Variants in FNDC3A observed in about 807,000 individuals in gnomAD.
The protein encoded by FNDC3A is fibronectin type-III domain-containing protein 3A.
FNDC3A carries 32 observed loss-of-function variants against 148.9 expected under a neutral mutation model. The observed-to-expected ratio is 0.21, with a 90% CI of 0.16 to 0.29. The LOEUF (loss-of-function observed/expected upper bound fraction) is 0.29, where lower values mean the gene tolerates loss of function less well. Ranked by LOEUF, FNDC3A falls within the 10% of genes least tolerant of loss-of-function variation. The probability of loss-of-function intolerance (pLI) is 1.00; values close to 1 mark genes in which losing one functional copy is unlikely to be tolerated. For missense variants in FNDC3A, 1,191 were observed against 1,452.8 expected (o/e 0.82, Z 2.93); for synonymous variants, 472 against 473.6 (o/e 1.00, Z 0.04).
chr13:49,113,102 C>A (rs764252732), intron 3 of FNDC3A, among the ~76,000 whole-genome samples: 2 of 149,292 alleles, frequency 1.3e-5, no homozygotes, highest in Admixed American at 6.7e-5. Flanking sequence ...TCCTCCTCCC[C>A]CTTACCCTTC....
intron 8 of FNDC3A, among the ~76,000 whole-genome samples, chr13:49,155,244 T>G (rs972525773): frequency 6.6e-6 from 1 of 152,140 alleles, no homozygotes; most frequent in African/African-American, 2.4e-5. Flanking sequence ...GGTTTAGTCT[T>G]GGGAGATTGT....
intron 1 of FNDC3A, among the ~76,000 whole-genome samples, chr13:48,995,310 CT>C (rs112558764): frequency 0.024 from 3,436 of 142,568 alleles, 133 homozygotes; most frequent in African/African-American, 0.078. Flanking sequence ...TGAGGACTGC[CT>C]TTTTTTTTTT....
rs982629067 is a variant in FNDC3A at position 49,167,309 on chromosome 13, G to T, written c.1037+6G>T. ...GCCATGGATTACCATGCAAAGTAAG[G>T]AATTCCTACAGATTGCCTTTATAAG... On this transcript the variant is annotated splice_donor_region_variant and intron_variant, in intron 9 of 25. Coordinates refer to ENST00000492622, the MANE Select transcript of FNDC3A (RefSeq NM_001079673.2). The T allele has an allele frequency of 4.4e-6, 7 of 1,579,796 alleles. No homozygotes were observed. The highest frequency in any genetic ancestry group is 5.2e-6 in the Non-Finnish European group (6 of 1,155,754).
At chr13:49,053,468 G>T (rs972814969) in intron 2 of FNDC3A, among the ~76,000 whole-genome samples, 1 of 152,154 alleles carries the variant, frequency 6.6e-6, no homozygotes, top group African/African-American at 2.4e-5. Flanking sequence ...TGAGCCCAAG[G>T]TGGTTTGGTT....
In FNDC3A at chr13:49,146,812, T is replaced by C. The variant is rs191000597; in HGVS notation, c.977+877T>C. 2 of 152,358 alleles carry C rather than the reference T, an allele frequency of 1.3e-5. 1 individual carries two copies. The highest frequency in any genetic ancestry group is 1.3e-4 in the Admixed American group (2 of 15,302). The allele number at this position is 152,358 out of a possible 1,614,324, so 9.4% of individuals were successfully genotyped here. On this transcript the variant is annotated intron_variant, in intron 8 of 25. Coordinates refer to ENST00000492622, the MANE Select transcript of FNDC3A (RefSeq NM_001079673.2). ...GTAGCTAAAGTTGTGACATTTATGA[T>C]TGACAGTTTTGAAATAAATTATTCT...
intron 1 of FNDC3A, among the ~76,000 whole-genome samples, chr13:49,001,479 TCTGA>T (rs1203729652): frequency 6.6e-6 from 1 of 152,172 alleles, no homozygotes; most frequent in Non-Finnish European, 1.5e-5. Flanking sequence ...AACCTTAAAC[TCTGA>T]CTGCCAGTGA....
intron 8 of FNDC3A, among the ~76,000 whole-genome samples, chr13:49,165,629 A>G (rs550083655): frequency 1.4e-3 from 213 of 152,246 alleles, no homozygotes; most frequent in African/African-American, 5.0e-3. Context: ...TAGCAAATCC[A>G]GGCATGCTGA....
chr13:49,047,597 A>C (rs1466909229), intron 2 of FNDC3A, among the ~76,000 whole-genome samples: 3 of 151,950 alleles, frequency 2.0e-5, no homozygotes, highest in Non-Finnish European at 4.4e-5. Context: ...TATATCTTTG[A>C]GAATTGTCTG....
At chr13:49,003,421 T>C (rs1420306828) in intron 1 of FNDC3A, among the ~76,000 whole-genome samples, 3 of 152,186 alleles carry the variant, frequency 2.0e-5, no homozygotes, top group Non-Finnish European at 2.9e-5. Context: ...TCTATCTTTT[T>C]TTAAAAATCA....
At chr13:49,160,849 CTT>C (rs1423986077) in intron 8 of FNDC3A, among the ~76,000 whole-genome samples, 3 of 151,762 alleles carry the variant, frequency 2.0e-5, no homozygotes, top group African/African-American at 7.3e-5. Context: ...CAAAAAACAT[CTT>C]TATTTCTGCC....
Position 49,188,581 on chromosome 13 carries a change from G to A in FNDC3A, c.1892G>A (p.Gly631Asp). The A allele has an allele frequency of 6.2e-7, 1 of 1,613,946 alleles. No homozygotes were observed. Among genetic ancestry groups the A allele is most frequent in the East Asian group, 2.2e-5 (1 of 44,876 alleles). The change falls in exon 17 of 26, where the codon GGC becomes GAC. Residue 631 changes from glycine to aspartate, a missense_variant. By Grantham distance (94) the Gly-to-Asp change is moderately conservative. This residue lies in a region of FNDC3A where 751 missense variants were observed against 944.0 expected (regional missense o/e 0.80). Transcript: ENST00000492622. The stretch of plus-strand genomic sequence containing the variant: ...CATCTTTGTGATCGACTGAATCCAG[G>A]CTGTTTCTATCGTTTACGAGTTTAC... The part of the protein sequence containing the change: ...REHLCDRLNP[G>D]CFYRLRVYCI...
At chr13:49,166,640 G>A (rs1884477258) in intron 8 of FNDC3A, among the ~76,000 whole-genome samples, 1 of 152,098 alleles carries the variant, frequency 6.6e-6, no homozygotes, top group Non-Finnish European at 1.5e-5. Flanking sequence ...GTCCACGGTG[G>A]GAATGTGTAC....
At chr13:49,120,269 C>A (rs901824237) in intron 4 of FNDC3A, among the ~76,000 whole-genome samples, 2 of 152,176 alleles carry the variant, frequency 1.3e-5, no homozygotes, top group African/African-American at 4.8e-5. Flanking sequence ...GAAATAAAAT[C>A]CTTTACAGAC....
chr13:49,045,850 CTG>C (rs1033802058), intron 2 of FNDC3A: 1 of 317,734 alleles, frequency 3.1e-6, no homozygotes, highest in African/African-American at 2.6e-5. Flanking sequence ...AAGGAGAAAA[CTG>C]GAGGCTGTTT....
chr13:49,049,384 T>C (rs1023269237), intron 2 of FNDC3A, among the ~76,000 whole-genome samples: 7 of 152,174 alleles, frequency 4.6e-5, no homozygotes, highest in African/African-American at 1.7e-4. Flanking sequence ...GTAGGATTGG[T>C]ACCAATTCTT....
At chr13:49,039,520 A>C (rs1874758281) in intron 2 of FNDC3A, among the ~76,000 whole-genome samples, 1 of 152,148 alleles carries the variant, frequency 6.6e-6, no homozygotes, top group Non-Finnish European at 1.5e-5. Flanking sequence ...TGAACCTCTT[A>C]AATCTTATCT....
chr13:49,032,321 T>G (rs1874178798), intron 2 of FNDC3A, among the ~76,000 whole-genome samples: 1 of 152,018 alleles, frequency 6.6e-6, no homozygotes, highest in African/African-American at 2.4e-5. Flanking sequence ...CATATGTCCA[T>G]GTAAAAAAAT....
At chr13:49,071,061 C>CTTTTTTT (rs35935869) in intron 2 of FNDC3A, among the ~76,000 whole-genome samples, 3 of 84,726 alleles carry the variant, frequency 3.5e-5, no homozygotes, top group Non-Finnish European at 6.3e-5. Context: ...CCCATGCCGG[C>CTTTTTTT]TTTTTTTTTT....
At chr13:48,997,704 C>T (rs1952048258) in intron 1 of FNDC3A, among the ~76,000 whole-genome samples, 1 of 152,072 alleles carries the variant, frequency 6.6e-6, no homozygotes, top group Admixed American at 6.5e-5. Flanking sequence ...ACATCTTGGC[C>T]TCCGTAACTG....
Sources: allele counts gnomAD v4.1 joint callset (sites outside exome capture counted in the v4.1 genomes callset), GRCh38; gene constraint gnomAD v4.1.1; regional missense constraint gnomAD v4.1.1; transcripts MANE v1.5; gene names NCBI Gene and HGNC (gene_info 2026-07-23, HGNC 2026-07-21).